Variants in NTM observed in about 807,000 individuals in gnomAD.
NTM encodes neurotrimin, also known as IgLON family member 2.
Under a neutral mutation model 42.1 loss-of-function variants are expected in NTM, and 13 were observed. The observed-to-expected ratio is 0.31, with a 90% CI of 0.20 to 0.49. NTM has a LOEUF of 0.49. Among genes scored for constraint, NTM ranks in the 20% least tolerant of loss-of-function variants. NTM has a pLI of 0.99. For missense variants in NTM, 373 were observed against 452.8 expected, an observed-to-expected ratio of 0.82 and a Z score of 1.60; for synonymous variants, 187 against 179.2, an observed-to-expected ratio of 1.04 and a Z score of -0.35.
Position 132,268,666 on chromosome 11 carries a change from C to CTGTGTG in NTM, c.527-39022_527-39021insGTGTGT, listed in dbSNP as rs755450370. Reference sequence around the variant, plus strand: ...GTTTGTGGTGTGGGGTCCTCTCTCTCTCTCTGTGTGTGTGTGTGTGTGTGT... The same window carrying CTGTGTG: ...GTTTGTGGTGTGGGGTCCTCTCTCTCTGTGTGTCTCTGTGTGTGTGTGTGTGTGTGT... On this transcript the variant is annotated intron_variant, in intron 4 of 8. Transcript: ENST00000683400. Among the ~76,000 whole-genome samples, 576 of 88,028 alleles carry CTGTGTG rather than the reference C, an allele frequency of 6.5e-3. 7 individuals carry two copies. The highest frequency in any genetic ancestry group is 0.023 in the African/African-American group (539 of 23,934). The allele number at this position is 88,028 out of a possible 152,430, so 57.7% of individuals were successfully genotyped here. A position where few individuals can be genotyped will look rare whatever the true frequency, so the allele number is the denominator to read the frequency against.
intron 4 of NTM, among the ~76,000 whole-genome samples, chr11:132,252,448 G>T (rs1490825160): frequency 1.3e-5 from 2 of 152,126 alleles, no homozygotes; most frequent in African/African-American, 4.8e-5. Flanking sequence ...CCCCAAAAAA[G>T]GGTGGAAATG....
At chr11:132,298,549 T>G (rs1034819698) in intron 4 of NTM, among the ~76,000 whole-genome samples, 2 of 152,122 alleles carry the variant, frequency 1.3e-5, no homozygotes, top group Non-Finnish European at 2.9e-5. Flanking sequence ...AAGCCACATC[T>G]GCAAAGAAAA....
At chr11:132,286,796 A>C (rs895019020) in intron 4 of NTM, among the ~76,000 whole-genome samples, 1 of 152,202 alleles carries the variant, frequency 6.6e-6, no homozygotes, top group Admixed American at 6.5e-5. Flanking sequence ...ACAATGGTGT[A>C]TCCAATGAGA....
At chr11:131,436,247 T>C (rs888816909) in intron 1 of NTM, among the ~76,000 whole-genome samples, 1 of 152,230 alleles carries the variant, frequency 6.6e-6, no homozygotes, top group African/African-American at 2.4e-5. Context: ...TCTAAAATTC[T>C]CTTTTTTTTG....
chr11:132,223,534 A>G (rs887001728), intron 4 of NTM, among the ~76,000 whole-genome samples: 1 of 152,202 alleles, frequency 6.6e-6, no homozygotes, highest in African/African-American at 2.4e-5. Flanking sequence ...ACATAGCCAC[A>G]TGGTGACAGA....
intron 4 of NTM, among the ~76,000 whole-genome samples, chr11:132,302,160 C>T (rs1441430956): frequency 2.6e-5 from 4 of 152,156 alleles, no homozygotes; most frequent in Admixed American, 1.3e-4. Flanking sequence ...ATCACATATC[C>T]AGCTTGCTTC....
intron 1 of NTM, among the ~76,000 whole-genome samples, chr11:131,455,063 GT>G (rs901645011): frequency 1.3e-5 from 2 of 152,202 alleles, no homozygotes; most frequent in Admixed American, 1.3e-4. Flanking sequence ...TGCTGATTTT[GT>G]GTGCGTGCTG....
chr11:131,923,276 C>T (rs1432971492), intron 2 of NTM, among the ~76,000 whole-genome samples: 1 of 152,188 alleles, frequency 6.6e-6, no homozygotes, highest in Non-Finnish European at 1.5e-5. Context: ...TTATTGCTCT[C>T]ATTTATAGTG....
chr11:131,594,661 A>G (rs1356989743), intron 1 of NTM, among the ~76,000 whole-genome samples: 1 of 152,106 alleles, frequency 6.6e-6, no homozygotes, highest in African/African-American at 2.4e-5. Context: ...AGCCTCCCAG[A>G]GTGCTGGGAT....
At chr11:132,206,502 G>A (rs2082010556) in intron 3 of NTM, among the ~76,000 whole-genome samples, 1 of 152,136 alleles carries the variant, frequency 6.6e-6, no homozygotes, top group South Asian at 2.1e-4. Flanking sequence ...TTACTCCTAT[G>A]TCTTTGAAAC....
chr11:131,557,102 A>T (rs2055544613), intron 1 of NTM, among the ~76,000 whole-genome samples: 1 of 151,962 alleles, frequency 6.6e-6, no homozygotes, highest in Non-Finnish European at 1.5e-5. Flanking sequence ...GAGGCAGGCG[A>T]TTCCAGTATT....
chr11:131,628,687 C>T (rs1442171584), intron 1 of NTM, among the ~76,000 whole-genome samples: 1 of 152,240 alleles, frequency 6.6e-6, no homozygotes, highest in Non-Finnish European at 1.5e-5. Flanking sequence ...TCTTACCTGT[C>T]AGGAGTATTG....
intron 3 of NTM, among the ~76,000 whole-genome samples, chr11:132,148,910 G>C (rs1392073342): frequency 6.6e-6 from 1 of 152,054 alleles, no homozygotes; most frequent in Non-Finnish European, 1.5e-5. Context: ...TTACATCTGT[G>C]ACTTAGCTAG....
intron 3 of NTM, among the ~76,000 whole-genome samples, chr11:132,154,243 G>T (rs1345524694): frequency 2.0e-5 from 3 of 152,170 alleles, no homozygotes; most frequent in Non-Finnish European, 4.4e-5. Flanking sequence ...ACAAGGAAGT[G>T]CACATTAGAT....
At chr11:132,244,870 C>T (rs1444549900) in intron 4 of NTM, among the ~76,000 whole-genome samples, 1 of 152,208 alleles carries the variant, frequency 6.6e-6, no homozygotes, top group Non-Finnish European at 1.5e-5. Context: ...GAAGTGCCTT[C>T]TATTAATGGA....
At chr11:131,758,918 C>A (rs111682388) in intron 1 of NTM, among the ~76,000 whole-genome samples, 4 of 152,082 alleles carry the variant, frequency 2.6e-5, no homozygotes, top group African/African-American at 4.8e-5. Flanking sequence ...AAAGCCTGTA[C>A]CGGCCTAGAT....
At chr11:131,622,205 G>A (rs1010027438) in intron 1 of NTM, among the ~76,000 whole-genome samples, 2 of 152,206 alleles carry the variant, frequency 1.3e-5, no homozygotes, top group African/African-American at 4.8e-5. Context: ...GTGCTAAAAA[G>A]CCAGCAAGTT....
chr11:131,937,248 T>C (rs2134164971), intron 2 of NTM, among the ~76,000 whole-genome samples: 1 of 152,350 alleles, frequency 6.6e-6, no homozygotes, highest in African/African-American at 2.4e-5. Flanking sequence ...TTTTAATAAA[T>C]GCAATGAAAA....
intron 2 of NTM, among the ~76,000 whole-genome samples, chr11:132,000,237 C>T (rs75137179): frequency 2.0e-5 from 3 of 152,202 alleles, no homozygotes; most frequent in Admixed American, 1.3e-4. Flanking sequence ...GCTTACTGCC[C>T]TGTTCCAATA....
Sources: allele counts gnomAD v4.1 joint callset (sites outside exome capture counted in the v4.1 genomes callset), GRCh38; gene constraint gnomAD v4.1.1; transcripts MANE v1.5; gene names NCBI Gene and HGNC (gene_info 2026-07-23, HGNC 2026-07-21).